The following IL1RAPL2 variants were observed in gnomAD, a reference collection of about 807,000 sequenced individuals.
IL1RAPL2 encodes the protein X-linked interleukin-1 receptor accessory protein-like 2.
IL1RAPL2 carries 3 observed loss-of-function variants against 44.1 expected under a neutral mutation model. The ratio of observed to expected loss-of-function variants is 0.07; its 90% confidence interval spans 0.03 to 0.18. The LOEUF is 0.18. IL1RAPL2 is among the 10% of genes least tolerant of loss of function. IL1RAPL2 has a pLI of 1.00. For synonymous variants in IL1RAPL2, 181 were observed against 178.8 expected (o/e 1.01, Z -0.10); for missense variants, 391 against 496.4 (o/e 0.79, Z 2.02).
At chrX:105,143,315 A>G (rs1316043145) in intron 2 of IL1RAPL2, among the ~76,000 whole-genome samples, 5 of 112,268 alleles carry the variant, frequency 4.5e-5, no homozygotes, top group African/African-American at 1.6e-4. Context: ...AAAAGAAGAC[A>G]TTTATGCAGC....
At chrX:105,159,987 C>A (rs181864190) in intron 2 of IL1RAPL2, among the ~76,000 whole-genome samples, 1 of 98,039 alleles carries the variant, frequency 1.0e-5, no homozygotes, top group Admixed American at 1.1e-4. Context: ...AAAGAACCCC[C>A]CCCCCCACTC....
At position 105,285,951 on chromosome X, in the gene IL1RAPL2, C is replaced by T. The variant is rs775563584; in HGVS notation, c.697+18410C>T. Among the ~76,000 whole-genome samples the T allele has an allele frequency of 6.3e-5, 7 of 111,661 alleles. No individual in the cohort carries two copies. In the South Asian group the frequency reaches 2.2e-3, roughly 36 times the overall value. On this transcript the variant is annotated intron_variant, in intron 5 of 10. Coordinates refer to ENST00000372582, the MANE Select transcript of IL1RAPL2 (RefSeq NM_017416.2). ...AAAGGAGGACAATTTTCCAACTAAC[C>T]TTGGCACACTCCATATGTATTCCTT... is the stretch of plus-strand genomic sequence containing the variant.
chrX:105,137,927 G>T (rs1279847903), intron 2 of IL1RAPL2, among the ~76,000 whole-genome samples: 1 of 111,289 alleles, frequency 9.0e-6, no homozygotes, highest in Non-Finnish European at 1.9e-5. Context: ...ATAAAAATTA[G>T]TCAGGCATGG....
chrX:105,695,046 A>G (rs918485962), intron 6 of IL1RAPL2, among the ~76,000 whole-genome samples: 2 of 111,684 alleles, frequency 1.8e-5, no homozygotes, highest in African/African-American at 6.5e-5. Context: ...CTTAAGAGCT[A>G]TTATATCATG....
chrX:104,619,125 G>T (rs1186711254), intron 1 of IL1RAPL2, among the ~76,000 whole-genome samples: 1 of 111,998 alleles, frequency 8.9e-6, no homozygotes, highest in Non-Finnish European at 1.9e-5. Flanking sequence ...CCTTTCCACA[G>T]TTCTGGCTGT....
intron 2 of IL1RAPL2, among the ~76,000 whole-genome samples, chrX:104,804,714 G>GAC (rs1932909076): frequency 1.3e-4 from 15 of 112,216 alleles, no homozygotes; most frequent in African/African-American, 4.5e-4. Flanking sequence ...TTTAGGATAT[G>GAC]TTCAAGATTA....
chrX:104,886,919 C>A (rs1339796788), intron 2 of IL1RAPL2, among the ~76,000 whole-genome samples: 3 of 112,111 alleles, frequency 2.7e-5, no homozygotes, highest in Non-Finnish European at 5.6e-5. Flanking sequence ...GTTTGGAAAC[C>A]TCATGCAAGC....
intron 2 of IL1RAPL2, among the ~76,000 whole-genome samples, chrX:104,822,397 C>G (rs1009717768): frequency 1.8e-4 from 20 of 112,133 alleles, no homozygotes; most frequent in African/African-American, 6.2e-4. Context: ...ACAGTTAAAT[C>G]TTCAATCCAT....
intron 7 of IL1RAPL2, 34 bp downstream of exon 7, chrX:105,717,530 G>A (rs370083704): frequency 6.5e-4 from 745 of 1,152,930 alleles, no homozygotes; most frequent in Non-Finnish European, 8.5e-4. Context: ...TTTCTTTGCT[G>A]TCTTACGGGA....
chrX:104,699,583 C>G (rs781325417), intron 2 of IL1RAPL2, among the ~76,000 whole-genome samples: 62 of 112,139 alleles, frequency 5.5e-4, no homozygotes, highest in Non-Finnish European at 9.6e-4. Flanking sequence ...GGCTTAGGTC[C>G]TAACAGGCCA....
intron 2 of IL1RAPL2, among the ~76,000 whole-genome samples, chrX:104,855,875 G>T (rs1177829010): frequency 2.8e-5 from 3 of 108,042 alleles, no homozygotes; most frequent in African/African-American, 1.0e-4. Context: ...TCACCATGTT[G>T]CCCATGCTGA....
intron 4 of IL1RAPL2, among the ~76,000 whole-genome samples, chrX:105,245,775 C>T (rs745751977): frequency 1.8e-5 from 2 of 112,440 alleles, no homozygotes; most frequent in East Asian, 2.8e-4. Flanking sequence ...AAGAAAAATG[C>T]AAATACACAC....
At chrX:105,296,908 T>C (rs2147672115) in intron 5 of IL1RAPL2, among the ~76,000 whole-genome samples, 1 of 112,637 alleles carries the variant, frequency 8.9e-6, no homozygotes, top group South Asian at 3.7e-4. Flanking sequence ...AGATACTTAT[T>C]GAGTCCTTAC....
rs1014789164 is a variant in IL1RAPL2, at chrX:104,707,681, C to A, written c.82+48686C>A. On this transcript the variant is annotated intron_variant, in intron 2 of 10. Coordinates refer to ENST00000372582, the MANE Select transcript of IL1RAPL2 (RefSeq NM_017416.2). ...CTTCAAAAAATGGGTTTCTAGTGAGCTAATGATATATCTTAAGTGTTTTGA... is the reference window on the plus strand; with the variant it reads ...CTTCAAAAAATGGGTTTCTAGTGAGATAATGATATATCTTAAGTGTTTTGA... 2.7e-5 allele frequency among the ~76,000 whole-genome samples: 3 copies of A among 111,420 alleles called. No individual in the cohort carries two copies. The East Asian group carries it at 8.5e-4, about 32-fold the overall frequency.
intron 2 of IL1RAPL2, among the ~76,000 whole-genome samples, chrX:105,070,265 A>G (rs1482032018): frequency 4.5e-5 from 5 of 111,804 alleles, no homozygotes; most frequent in Non-Finnish European, 9.4e-5. Context: ...ATATTCCACT[A>G]GGAAGGGCAC....
intron 5 of IL1RAPL2, among the ~76,000 whole-genome samples, chrX:105,271,337 G>A (rs191549433): frequency 1.8e-5 from 2 of 112,339 alleles, no homozygotes; most frequent in Non-Finnish European, 3.8e-5. Context: ...GACGTGCACA[G>A]TAGCATGTTT....
intron 2 of IL1RAPL2, among the ~76,000 whole-genome samples, chrX:104,884,596 A>G (rs923198587): frequency 5.4e-5 from 6 of 111,280 alleles, no homozygotes; most frequent in African/African-American, 3.3e-5. Context: ...TTTCTGCACT[A>G]TGGCCTGGCC....
intron 5 of IL1RAPL2, among the ~76,000 whole-genome samples, chrX:105,316,659 A>G (rs751307768): frequency 1.7e-4 from 19 of 112,168 alleles, no homozygotes; most frequent in African/African-American, 6.1e-4. Context: ...TACTCATAAG[A>G]AAGTTCAACT....
At chrX:105,394,538 A>G (rs1420449727) in intron 5 of IL1RAPL2, among the ~76,000 whole-genome samples, 2 of 110,953 alleles carry the variant, frequency 1.8e-5, no homozygotes, top group Admixed American at 9.6e-5. Context: ...CTACTCTCCC[A>G]TGTTCAGTCT....
Sources: gnomAD v4.1 joint callset for allele counts (sites outside exome capture counted in the v4.1 genomes callset) on GRCh38, gnomAD v4.1.1 for gene constraint, MANE v1.5 for transcripts, NCBI Gene and HGNC (gene_info 2026-07-23, HGNC 2026-07-21) for gene names.